DDC: variants seen among roughly 807,000 people sequenced by gnomAD.
The protein encoded by DDC is dopa decarboxylase, also known as aromatic-L-amino-acid decarboxylase.
Under a neutral mutation model 60.0 loss-of-function variants are expected in DDC, and 43 were observed. That is an observed-to-expected ratio of 0.72 (90% confidence interval 0.56 to 0.92). The LOEUF (loss-of-function observed/expected upper bound fraction) is 0.92. DDC is among the 40% of genes least tolerant of loss of function. The pLI is 0.00. For missense variants in DDC, 573 were observed against 620.2 expected, an observed-to-expected ratio of 0.92 and a Z score of 0.81; for synonymous variants, 232 against 234.6, an observed-to-expected ratio of 0.99 and a Z score of 0.10.
intron 12 of DDC, 49 bp downstream of exon 12, chr7:50,470,024 C>T (rs771121656): frequency 2.0e-5 from 24 of 1,219,006 alleles, no homozygotes; most frequent in Admixed American, 1.7e-4. Context: ...TCTAAAGTCC[C>T]GAAAGACCTC....
rs147067815 is a variant in DDC at position 50,489,193 on chromosome 7, G to C, written c.944+6157C>G. On this transcript the variant is annotated intron_variant, in intron 9 of 14. Transcript: ENST00000444124. ...GGCTAATTTTTGTATTTGTAGTAGA[G>C]ATAAGGTCTCACCATGTTGGCCAGG... Among the ~76,000 whole-genome samples, 328 of 152,216 alleles carry C rather than the reference G, an allele frequency of 2.2e-3. 1 individual carries two copies. The highest frequency in any genetic ancestry group is 7.6e-3 in the African/African-American group (317 of 41,524).
chr7:50,531,758 C>A (rs571291738), intron 4 of DDC: 2 of 152,268 alleles, frequency 1.3e-5, no homozygotes, highest in African/African-American at 4.8e-5. Flanking sequence ...GAGCTCTCTG[C>A]ACTTTGCTGG....
intron 9 of DDC, among the ~76,000 whole-genome samples, chr7:50,480,990 T>C (rs952756635): frequency 2.0e-5 from 3 of 152,192 alleles, no homozygotes; most frequent in Non-Finnish European, 4.4e-5. Flanking sequence ...GGCAGTGTGG[T>C]GACACCATCA....
chr7:50,536,614 G>T (rs2044421627), intron 4 of DDC, among the ~76,000 whole-genome samples: 1 of 152,212 alleles, frequency 6.6e-6, no homozygotes, highest in South Asian at 2.1e-4. Context: ...GTCAACTTTG[G>T]TTTTAGCCCA....
At chr7:50,470,010 T>C (rs943318848) in intron 12 of DDC, 63 bp downstream of exon 12, 76 of 1,088,272 alleles carry the variant, frequency 7.0e-5, no homozygotes, top group Non-Finnish European at 1.0e-4. Context: ...AATTTGAATT[T>C]ATTTCTAAAG....
intron 4 of DDC, 99 bp from the exon 5 acceptor site, chr7:50,529,441 T>G: frequency 6.8e-7 from 1 of 1,464,374 alleles, no homozygotes; most frequent in Non-Finnish European, 9.5e-7. Context: ...ATAGTTTTCT[T>G]AAAATATGAG....
At position 50,528,293 on chromosome 7, in the gene DDC, C is replaced by T; in HGVS notation, c.571-13G>A. 1 of 1,613,926 alleles carries T rather than the reference C, an allele frequency of 6.2e-7. No homozygotes were observed. Among genetic ancestry groups the T allele is most frequent in the East Asian group, 2.2e-5 (1 of 44,860 alleles). ...CTGAGGAGTGTGCCTGGAAAGAAGACAGCAGAGTTGGATTTGTACAGGTGT... is the reference window on the plus strand; with the variant it reads ...CTGAGGAGTGTGCCTGGAAAGAAGATAGCAGAGTTGGATTTGTACAGGTGT... On this transcript the variant is annotated splice_polypyrimidine_tract_variant and intron_variant, in intron 5 of 14. Transcript: ENST00000444124.
chr7:50,493,543 C>T (rs904394251), intron 9 of DDC, among the ~76,000 whole-genome samples: 1 of 152,136 alleles, frequency 6.6e-6, no homozygotes, highest in Non-Finnish European at 1.5e-5. Flanking sequence ...CAAAATTACC[C>T]CTCGAATAAA....
chr7:50,459,101 C>T (rs977552031), intron 14 of DDC, among the ~76,000 whole-genome samples: 3 of 152,354 alleles, frequency 2.0e-5, no homozygotes, highest in African/African-American at 7.2e-5. Context: ...CGATTGCAGG[C>T]GCGCACCACC....
At chr7:50,511,509 A>C (rs2043578974) in intron 6 of DDC, among the ~76,000 whole-genome samples, 1 of 152,254 alleles carries the variant, frequency 6.6e-6, no homozygotes, top group East Asian at 1.9e-4. Flanking sequence ...CAGGCAGATC[A>C]CAAGGTCAGG....
rs538977562 is a variant in DDC at position 50,465,369 on chromosome 7, C to T, written c.1242+1845G>A. ...ATTCTGTAGATATACTAAAAATACTCAAACGTAGCCTTTTTTTTTGAGACA... is the reference window on the plus strand; with the variant it reads ...ATTCTGTAGATATACTAAAAATACTTAAACGTAGCCTTTTTTTTTGAGACA... On this transcript the variant is annotated intron_variant, in intron 13 of 14. Coordinates refer to ENST00000444124, the MANE Select transcript of DDC (RefSeq NM_001082971.2). Among the ~76,000 whole-genome samples the T allele has an allele frequency of 1.2e-4, 19 of 152,254 alleles. No homozygotes were observed. The East Asian group carries it at 3.7e-3, about 29-fold the overall frequency.
At chr7:50,541,961 G>A (rs2044647116) in intron 2 of DDC, among the ~76,000 whole-genome samples, 1 of 152,114 alleles carries the variant, frequency 6.6e-6, no homozygotes, top group South Asian at 2.1e-4. Flanking sequence ...GCCAGGGCTT[G>A]GGGAGTGGTG....
intron 4 of DDC, among the ~76,000 whole-genome samples, chr7:50,532,375 C>A (rs1166446551): frequency 6.6e-6 from 1 of 152,172 alleles, no homozygotes. Flanking sequence ...TATGGTCTCT[C>A]AAAAATGAGG....
At chr7:50,540,285 GA>G in intron 2 of DDC, 1 of 458,630 alleles carries the variant, frequency 2.2e-6, no homozygotes, top group Admixed American at 3.3e-5. Context: ...AGCTCAGAAG[GA>G]AAAGTTCTAT....
chr7:50,553,247 G>A (rs1387832029), intron 1 of DDC, among the ~76,000 whole-genome samples: 1 of 152,126 alleles, frequency 6.6e-6, no homozygotes, highest in Non-Finnish European at 1.5e-5. Flanking sequence ...ACTTTGTTCA[G>A]CCTCTCTTGA....
At chr7:50,459,237 A>G (rs2042193862) in intron 14 of DDC, among the ~76,000 whole-genome samples, 1 of 152,200 alleles carries the variant, frequency 6.6e-6, no homozygotes, top group South Asian at 2.1e-4. Context: ...GGGATTGCAG[A>G]CGGAGTCTGG....
intron 8 of DDC, among the ~76,000 whole-genome samples, chr7:50,496,595 A>T (rs1447890533): frequency 6.6e-6 from 1 of 152,108 alleles, no homozygotes. Flanking sequence ...GCTGTCATAA[A>T]TGGTGCTTTC....
At chr7:50,473,768 C>T (rs901995257) in intron 11 of DDC, among the ~76,000 whole-genome samples, 3 of 152,330 alleles carry the variant, frequency 2.0e-5, no homozygotes, top group South Asian at 2.1e-4. Context: ...CTGCCACAAG[C>T]GGCAAGAGGA....
intron 13 of DDC, among the ~76,000 whole-genome samples, chr7:50,463,771 T>C (rs2042336645): frequency 6.6e-6 from 1 of 152,210 alleles, no homozygotes; most frequent in Non-Finnish European, 1.5e-5. Flanking sequence ...GGGTTTCTGA[T>C]GGCACCAGGG....
Sources: gnomAD v4.1 joint callset for allele counts (sites outside exome capture counted in the v4.1 genomes callset) on GRCh38, gnomAD v4.1.1 for gene constraint, MANE v1.5 for transcripts, NCBI Gene and HGNC (gene_info 2026-07-23, HGNC 2026-07-21) for gene names.